RAB20: variants seen among roughly 807,000 people sequenced by gnomAD.
RAB20 encodes the protein RAB20, member RAS oncogene family.
A neutral mutation model predicts 3.7 loss-of-function variants in RAB20; 2 were observed. The observed-to-expected ratio is 0.54, with a 90% CI of 0.22 to 1.69. RAB20 has a LOEUF of 1.69. RAB20 is among the 40% of genes most tolerant of loss of function. RAB20 has a pLI of 0.19. For synonymous variants in RAB20, 126 were observed against 130.8 expected (o/e 0.96, Z 0.25); for missense variants, 276 against 311.9 (o/e 0.88, Z 0.87).
At chr13:110,524,867 G>C (rs928063030) in intron 1 of RAB20, among the ~76,000 whole-genome samples, 1 of 152,236 alleles carries the variant, frequency 6.6e-6, no homozygotes, top group South Asian at 2.1e-4. Flanking sequence ...TGAGGAGCCA[G>C]GCCCCAGCAT....
intron 1 of RAB20, among the ~76,000 whole-genome samples, chr13:110,557,946 A>G (rs1291796472): frequency 6.6e-6 from 1 of 152,248 alleles, no homozygotes. Context: ...TCTTCAGAGC[A>G]ACGATCAGAT....
chr13:110,524,783 C>T (rs1358061520), intron 1 of RAB20, among the ~76,000 whole-genome samples: 1 of 152,232 alleles, frequency 6.6e-6, no homozygotes, highest in African/African-American at 2.4e-5. Context: ...CAGAATCACA[C>T]AGCACCCTGC....
At chr13:110,549,712 T>A (rs534844273) in intron 1 of RAB20, among the ~76,000 whole-genome samples, 3 of 80,292 alleles carry the variant, frequency 3.7e-5, no homozygotes, top group South Asian at 7.7e-4. Context: ...CCAATCACAC[T>A]TTTTTAAATT....
rs370725688 is a variant in RAB20 at position 110,530,603 on chromosome 13, G to T, written c.173-6406C>A. On this transcript the variant is annotated intron_variant, in intron 1 of 1. Coordinates refer to ENST00000267328, the MANE Select transcript of RAB20 (RefSeq NM_017817.3). ...GACCCTGGGGAAGTAGGTCCCACCC[G>T]CCCCACCTCTACAGACACAGGACCC... Among the ~76,000 whole-genome samples, 2 of 35,594 alleles carry T rather than the reference G, an allele frequency of 5.6e-5. 1 individual carries two copies. Among genetic ancestry groups the T allele is most frequent in the Admixed American group, 7.5e-4 (2 of 2,652 alleles). 23.4% of individuals were successfully genotyped at this position (35,594 alleles called of 152,430 possible). A position where few individuals can be genotyped will look rare whatever the true frequency, so the allele number is the denominator to read the frequency against.
chr13:110,543,775 T>TTATTA (rs372742475), intron 1 of RAB20, among the ~76,000 whole-genome samples: 17 of 86,570 alleles, frequency 2.0e-4, no homozygotes, highest in African/African-American at 1.1e-3. Context: ...ATGTGGGTTA[T>TTATTA]TTTTTTTTTT....
Position 110,561,691 on chromosome 13 carries a change from G to T in RAB20, c.-172C>A. 8.3e-7 allele frequency: 1 copy of T among 1,205,668 alleles called. No individual in the cohort carries two copies. Among genetic ancestry groups the T allele is most frequent in the Non-Finnish European group, 1.1e-6 (1 of 928,666 alleles). The allele number at this position is 1,205,668 out of a possible 1,614,324, so 74.7% of individuals were successfully genotyped here. ...CGGGAGCTCAAGAGAGGAAGCGCGT[G>T]TGCGCGCCCGGGAAGGAGCTGGGTG... On this transcript the variant is annotated 5_prime_UTR_variant, in exon 1 of 2. Transcript: ENST00000267328.
chr13:110,529,791 C>T (rs1363590745), intron 1 of RAB20, among the ~76,000 whole-genome samples: 1 of 152,138 alleles, frequency 6.6e-6, no homozygotes, highest in East Asian at 1.9e-4. Context: ...GGGCTGTCTC[C>T]AGGCCAAGCA....
chr13:110,550,784 G>A (rs1225770744), intron 1 of RAB20, among the ~76,000 whole-genome samples: 1 of 152,154 alleles, frequency 6.6e-6, no homozygotes, highest in East Asian at 1.9e-4. Context: ...AGAGGGAAGA[G>A]TAGGGGAAAA....
chr13:110,561,707 G>A lies in RAB20; in HGVS notation c.-188C>T, dbSNP rs1234732227. The A allele has an allele frequency of 9.1e-7, 1 of 1,097,004 alleles. No homozygotes were observed. The highest frequency in any genetic ancestry group is 1.2e-6 in the Non-Finnish European group (1 of 836,760). 68.0% of individuals were successfully genotyped at this position (1,097,004 alleles called of 1,614,324 possible). A position where few individuals can be genotyped will look rare whatever the true frequency, so the allele number is the denominator to read the frequency against. ...GAAGCGCGTGTGCGCGCCCGGGAAG[G>A]AGCTGGGTGCAGAGCACGGAGCCCA... is the stretch of plus-strand genomic sequence containing the variant. On this transcript the variant is annotated 5_prime_UTR_variant, in exon 1 of 2. Coordinates refer to ENST00000267328, the MANE Select transcript of RAB20 (RefSeq NM_017817.3).
In RAB20 at chr13:110,556,823, T is replaced by C. The variant is rs111980113; in HGVS notation, c.172+4525A>G. On this transcript the variant is annotated intron_variant, in intron 1 of 1. Transcript: ENST00000267328. ...CTGGGATTACAGGCAGGAGCTACCA[T>C]GCCCAGCAAATTTGTGTTGTTTTAA... 4.7e-3 allele frequency among the ~76,000 whole-genome samples: 716 copies of C among 152,358 alleles called. 4 individuals are homozygous for C. Among genetic ancestry groups the C allele is most frequent in the Non-Finnish European group, 7.4e-3 (502 of 68,034 alleles).
chr13:110,555,376 A>C lies in RAB20; in HGVS notation c.172+5972T>G, dbSNP rs1379141460. Reference sequence around the variant, plus strand: ...TCCAGTCCTCTCCATTCCACACCACAGAGTCCCCCATTTTCTCAGTCCTGC... The same window carrying C: ...TCCAGTCCTCTCCATTCCACACCACCGAGTCCCCCATTTTCTCAGTCCTGC... On this transcript the variant is annotated intron_variant, in intron 1 of 1. Transcript: ENST00000267328. This position sits in a 1 kb window ranked among gnomAD's most constrained non-coding sequence, Gnocchi z 4.0. Among the ~76,000 whole-genome samples, 2 of 152,130 alleles carry C rather than the reference A, an allele frequency of 1.3e-5. No individual in the cohort carries two copies. Among genetic ancestry groups the C allele is most frequent in the African/African-American group, 4.8e-5 (2 of 41,424 alleles).
In RAB20 at chr13:110,541,816, C is replaced by CCACACACACA. The variant is rs10624545; in HGVS notation, c.173-17629_173-17620dup. On this transcript the variant is annotated intron_variant, in intron 1 of 1. Coordinates refer to ENST00000267328, the MANE Select transcript of RAB20 (RefSeq NM_017817.3). Reference sequence around the variant, plus strand: ...TTCAAGTGCCAGGCGGAGTGTCCAGCCACACACACACACACACACACACAC... The same window carrying CCACACACACA: ...TTCAAGTGCCAGGCGGAGTGTCCAGCCACACACACACACACACACACACACACACACACAC... 5.5e-3 allele frequency among the ~76,000 whole-genome samples: 826 copies of CCACACACACA among 149,520 alleles called. 4 individuals carry two copies. The highest frequency in any genetic ancestry group is 7.2e-3 in the South Asian group (34 of 4,690).
At chr13:110,533,368 G>A (rs768781570) in intron 1 of RAB20, among the ~76,000 whole-genome samples, 16 of 152,042 alleles carry the variant, frequency 1.1e-4, no homozygotes, top group African/African-American at 3.1e-4. Context: ...TTTTAAAACC[G>A]ATAGTGAACT....
At chr13:110,547,556 T>C (rs1275604794) in intron 1 of RAB20, among the ~76,000 whole-genome samples, 1 of 152,200 alleles carries the variant, frequency 6.6e-6, no homozygotes, top group Non-Finnish European at 1.5e-5. Flanking sequence ...AGTTCCACTC[T>C]CACTTTAGGA....
chr13:110,533,918 A>T (rs1405927128), intron 1 of RAB20, among the ~76,000 whole-genome samples: 2 of 152,152 alleles, frequency 1.3e-5, no homozygotes, highest in Non-Finnish European at 2.9e-5. Context: ...GAGAGCTAGC[A>T]GGCAAGGGCC....
chr13:110,538,109 T>G (rs1884680586), intron 1 of RAB20, among the ~76,000 whole-genome samples: 1 of 151,306 alleles, frequency 6.6e-6, no homozygotes, highest in Admixed American at 6.6e-5. Flanking sequence ...CATGGTGGTG[T>G]TCGCCTATAG....
chr13:110,555,784 G>T lies in RAB20; in HGVS notation c.172+5564C>A, dbSNP rs1885028438. Among the ~76,000 whole-genome samples, 1 of 152,174 alleles carries T rather than the reference G, an allele frequency of 6.6e-6. No homozygotes were observed. Among genetic ancestry groups the T allele is most frequent in the South Asian group, 2.1e-4 (1 of 4,828 alleles). On this transcript the variant is annotated intron_variant, in intron 1 of 1. Coordinates refer to ENST00000267328, the MANE Select transcript of RAB20 (RefSeq NM_017817.3). The surrounding 1 kb of genome is among the most constrained non-coding windows in gnomAD (Gnocchi z 4.0). ...TTGCTGAGCCCTTGGGTGGCAGATGGCGACTTTTATTCTCACTCTTTACCA... is the reference window on the plus strand; with the variant it reads ...TTGCTGAGCCCTTGGGTGGCAGATGTCGACTTTTATTCTCACTCTTTACCA...
chr13:110,523,286 C>G lies in RAB20; in HGVS notation c.*379G>C, dbSNP rs1413646620. The G allele has an allele frequency of 4.6e-6, 2 of 436,162 alleles. No homozygotes were observed. Among genetic ancestry groups the G allele is most frequent in the African/African-American group, 4.0e-5 (2 of 49,786 alleles). 27.0% of individuals were successfully genotyped at this position (436,162 alleles called of 1,614,324 possible). On this transcript the variant is annotated 3_prime_UTR_variant, in exon 2 of 2. Transcript: ENST00000267328. ...TCAGAGTTGTAGGACGTGGTAACAACCCAGGGTGCTGAAACGGTCAGAGGT... is the reference window on the plus strand; with the variant it reads ...TCAGAGTTGTAGGACGTGGTAACAAGCCAGGGTGCTGAAACGGTCAGAGGT...
chr13:110,561,385 C>A lies in RAB20; in HGVS notation c.135G>T (p.Gln45His). Residue 45 changes from glutamine to histidine, a missense_variant, in exon 1 of 2, where the codon CAG becomes CAT. Transcript: ENST00000267328. The stretch of plus-strand genomic sequence containing the variant: ...AGATGGAGATGTTGTAGGAGCGCCA[C>A]TGCTTCAGGTAGAAGGCGCCGCCCA... ...STVGGAFYLK[Q>H]WRSYNISIWD... is the part of the protein sequence containing the mutation. The A allele has an allele frequency of 6.2e-7, 1 of 1,609,690 alleles. No homozygotes were observed. Among genetic ancestry groups the A allele is most frequent in the Non-Finnish European group, 8.5e-7 (1 of 1,178,092 alleles).
Sources: allele counts gnomAD v4.1 joint callset (sites outside exome capture counted in the v4.1 genomes callset), GRCh38; gene constraint gnomAD v4.1.1; non-coding constraint Gnocchi (gnomAD v3.1); transcripts MANE v1.5; gene names NCBI Gene and HGNC (gene_info 2026-07-23, HGNC 2026-07-21).